GALNT13: variants seen among roughly 807,000 people sequenced by gnomAD.
GALNT13 encodes the protein polypeptide N-acetylgalactosaminyltransferase 13.
GALNT13 carries 28 observed loss-of-function variants against 64.2 expected under a neutral mutation model. The ratio of observed to expected loss-of-function variants is 0.44; its 90% CI spans 0.32 to 0.60. The LOEUF (loss-of-function observed/expected upper bound fraction) is 0.60. GALNT13 is among the 20% of genes least tolerant of loss of function. The pLI, the probability that GALNT13 is intolerant of heterozygous loss-of-function variation, is 0.05. For synonymous variants in GALNT13, 214 were observed against 224.6 expected (o/e 0.95, Z 0.42); for missense variants, 577 against 669.8 (o/e 0.86, Z 1.53).
intron 11 of GALNT13, among the ~76,000 whole-genome samples, chr2:154,425,160 A>T (rs1390492085): frequency 1.3e-5 from 2 of 152,174 alleles, no homozygotes; most frequent in Non-Finnish European, 2.9e-5. Context: ...ATCTAATTAC[A>T]TGCCTGAATA....
At chr2:154,355,145 A>C (rs1482693211) in intron 9 of GALNT13, among the ~76,000 whole-genome samples, 1 of 152,058 alleles carries the variant, frequency 6.6e-6, no homozygotes, top group East Asian at 1.9e-4. Flanking sequence ...CCCCACGCCC[A>C]GCCACATGTT....
intron 4 of GALNT13, among the ~76,000 whole-genome samples, chr2:154,171,509 A>G (rs746213359): frequency 6.6e-6 from 1 of 152,166 alleles, no homozygotes; most frequent in African/African-American, 2.4e-5. Context: ...CAGATGGGAA[A>G]TATGAAATCC....
In GALNT13 at chr2:154,330,869, G is replaced by A. The variant is rs533966868; in HGVS notation, c.1156+29280G>A. ...TTCCTCACATTAATAAGTTTCTACTGACTGTTCTAAAATTCCCTTTGATAT... is the reference window on the plus strand; with the variant it reads ...TTCCTCACATTAATAAGTTTCTACTAACTGTTCTAAAATTCCCTTTGATAT... On this transcript the variant is annotated intron_variant, in intron 9 of 12. Transcript: ENST00000392825. Among the ~76,000 whole-genome samples the A allele has an allele frequency of 2.0e-5, 3 of 152,180 alleles. No individual in the cohort carries two copies. In the East Asian group the frequency reaches 5.8e-4, roughly 29 times the overall value.
At chr2:153,235,416 G>A in the GALNT13 span, among the ~76,000 whole-genome samples, 7 of 152,020 alleles carry the variant, frequency 4.6e-5, no homozygotes, top group African/African-American at 1.7e-4. Flanking sequence ...CTCTCCTTAT[G>A]GGAGTCTTAC....
chr2:154,340,813 A>G (rs919130388), intron 9 of GALNT13, among the ~76,000 whole-genome samples: 4 of 152,116 alleles, frequency 2.6e-5, no homozygotes, highest in East Asian at 1.9e-4. Context: ...AGTTTACCAA[A>G]TATCCTTAAC....
chr2:154,373,839 A>C (rs1474471217), intron 9 of GALNT13, among the ~76,000 whole-genome samples: 1 of 152,188 alleles, frequency 6.6e-6, no homozygotes, highest in East Asian at 1.9e-4. Flanking sequence ...ATTCTTACAG[A>C]GTGTGAACAA....
chr2:153,258,976 G>C, the GALNT13 span, among the ~76,000 whole-genome samples: 8 of 152,212 alleles, frequency 5.3e-5, no homozygotes, highest in Admixed American at 3.3e-4. Context: ...TTGGTCTACA[G>C]TGCTGATATG....
intron 9 of GALNT13, among the ~76,000 whole-genome samples, chr2:154,329,350 G>A (rs1446065844): frequency 2.6e-5 from 4 of 152,134 alleles, no homozygotes; most frequent in South Asian, 2.1e-4. Context: ...TGATCTACCC[G>A]CCTCGGCCTC....
chr2:153,701,922 C>A, the GALNT13 span, among the ~76,000 whole-genome samples: 1 of 152,268 alleles, frequency 6.6e-6, no homozygotes, highest in Admixed American at 6.5e-5. Context: ...GATAGTGTGG[C>A]TATTCCTCAA....
chr2:153,168,532 C>G, the GALNT13 span, among the ~76,000 whole-genome samples: 1 of 152,046 alleles, frequency 6.6e-6, no homozygotes, highest in African/African-American at 2.4e-5. Flanking sequence ...ACTTAGTTAC[C>G]GTGTGTGGAG....
chr2:154,308,482 T>A (rs925341913), intron 9 of GALNT13, among the ~76,000 whole-genome samples: 1 of 152,148 alleles, frequency 6.6e-6, no homozygotes, highest in Non-Finnish European at 1.5e-5. Flanking sequence ...GGGGCCTAAT[T>A]TCTTCTGTAA....
the GALNT13 span, among the ~76,000 whole-genome samples, chr2:153,176,985 T>C: frequency 6.6e-6 from 1 of 152,152 alleles, no homozygotes; most frequent in Non-Finnish European, 1.5e-5. Context: ...TGAAAGAATT[T>C]ATAAGAATTG....
At chr2:154,196,461 C>T (rs1686884505) in intron 4 of GALNT13, among the ~76,000 whole-genome samples, 1 of 152,082 alleles carries the variant, frequency 6.6e-6, no homozygotes, top group Non-Finnish European at 1.5e-5. Flanking sequence ...TTTTATTAAT[C>T]TACTGGTGTT....
At chr2:154,079,543 T>C (rs1462908498) in intron 3 of GALNT13, among the ~76,000 whole-genome samples, 8 of 151,382 alleles carry the variant, frequency 5.3e-5, no homozygotes, top group Admixed American at 4.6e-4. Flanking sequence ...ACCTTGGAGG[T>C]CAAGTGACCT....
intron 10 of GALNT13, among the ~76,000 whole-genome samples, chr2:154,404,051 T>C (rs1008597125): frequency 6.6e-6 from 1 of 152,190 alleles, no homozygotes; most frequent in African/African-American, 2.4e-5. Context: ...TTTCTCCCTG[T>C]GGCAGGTTTC....
chr2:154,209,878 A>G (rs1687671174), intron 4 of GALNT13, among the ~76,000 whole-genome samples: 1 of 152,202 alleles, frequency 6.6e-6, no homozygotes, highest in Non-Finnish European at 1.5e-5. Flanking sequence ...TTTCAAATTT[A>G]ATCTCCTAGA....
Position 154,306,624 on chromosome 2 carries a change from G to GGC in GALNT13, c.1156+5036_1156+5037insCG, listed in dbSNP as rs1056474813. On this transcript the variant is annotated intron_variant, in intron 9 of 12. Coordinates refer to ENST00000392825, the MANE Select transcript of GALNT13 (RefSeq NM_052917.4). ...GTTTTTAAGGATAATTTGGTGGGGG[G>GGC]GGGGTCAAGAAATGGGGAGTGCTGA... Among the ~76,000 whole-genome samples the GGC allele has an allele frequency of 2.9e-4, 44 of 149,806 alleles. 1 individual carries two copies. The highest frequency in any genetic ancestry group is 6.4e-4 in the South Asian group (3 of 4,662).
chr2:153,126,496 T>TA, the GALNT13 span, among the ~76,000 whole-genome samples: 2 of 151,700 alleles, frequency 1.3e-5, no homozygotes, highest in Non-Finnish European at 2.9e-5. Flanking sequence ...AAAGAAAAAA[T>TA]AATGTGCCTA....
At chr2:153,434,938 T>C in the GALNT13 span, among the ~76,000 whole-genome samples, 30 of 152,352 alleles carry the variant, frequency 2.0e-4, 1 homozygote, top group South Asian at 5.8e-3. Flanking sequence ...GCCTAGATTT[T>C]CTTCTAGGGT....
Sources: gnomAD v4.1 joint callset for allele counts (sites outside exome capture counted in the v4.1 genomes callset) on GRCh38, gnomAD v4.1.1 for gene constraint, MANE v1.5 for transcripts, NCBI Gene and HGNC (gene_info 2026-07-23, HGNC 2026-07-21) for gene names.